The following C1QC variants were observed in gnomAD, a reference collection of about 807,000 sequenced individuals.
The protein encoded by C1QC is complement C1q subcomponent subunit C.
In C1QC, 4 loss-of-function variants were observed where a neutral mutation model predicts 5.9. The ratio of observed to expected loss-of-function variants is 0.68; its 90% CI spans 0.33 to 1.55. The LOEUF is 1.55. C1QC is among the 40% of genes most tolerant of loss of function. C1QC has a pLI of 0.06. For missense variants in C1QC, 299 were observed against 326.9 expected, an observed-to-expected ratio of 0.91 and a Z score of 0.66; for synonymous variants, 166 against 153.8, an observed-to-expected ratio of 1.08 and a Z score of -0.59.
At chr1:22,647,150 T>C in intron 2 of C1QC, 77 bp from the exon 3 acceptor site, 1 of 1,528,980 alleles carries the variant, frequency 6.5e-7, no homozygotes, top group East Asian at 2.3e-5. Flanking sequence ...AGCGCTGTGT[T>C]CCCTGGAAGA....
chr1:22,643,640 G>T lies in C1QC; in HGVS notation c.-88G>T. On this transcript the variant is annotated 5_prime_UTR_variant, in exon 1 of 3. Transcript: ENST00000374640. ...TCCTTGCTCTGACCACTCAGACACC[G>T]TGTCCTCTTGCCTGGGAGAGGGGAA... 6 of 1,045,388 alleles carry T rather than the reference G, an allele frequency of 5.7e-6. No homozygotes were observed. Among genetic ancestry groups the T allele is most frequent in the Non-Finnish European group, 6.9e-6 (6 of 869,190 alleles). The allele number at this position is 1,045,388 out of a possible 1,614,324, so 64.8% of individuals were successfully genotyped here. A position where few individuals can be genotyped will look rare whatever the true frequency, so the allele number is the denominator to read the frequency against.
chr1:22,646,607 G>A (rs1642372880), intron 2 of C1QC, among the ~76,000 whole-genome samples: 1 of 152,090 alleles, frequency 6.6e-6, no homozygotes, highest in Non-Finnish European at 1.5e-5. Context: ...AAGAGTCCCT[G>A]TTCTTTTGTT....
Position 22,647,998 on chromosome 1 carries a change from G to T in C1QC, c.*215G>T. ...CTTCTTTAGGAGTCACTGCTTGTGTGGTTCCTGGGACACTTAACCAATGCC... is the reference window on the plus strand; with the variant it reads ...CTTCTTTAGGAGTCACTGCTTGTGTTGTTCCTGGGACACTTAACCAATGCC... On this transcript the variant is annotated 3_prime_UTR_variant, in exon 3 of 3. Coordinates refer to ENST00000374640, the MANE Select transcript of C1QC (RefSeq NM_172369.5). The T allele has an allele frequency of 1.7e-6, 1 of 602,496 alleles. No homozygotes were observed. Among genetic ancestry groups the T allele is most frequent in the Non-Finnish European group, 2.8e-6 (1 of 352,090 alleles). The allele number at this position is 602,496 out of a possible 1,614,324, so 37.3% of individuals were successfully genotyped here.
In C1QC at chr1:22,647,567, T is replaced by G. The variant is rs1312761361; in HGVS notation, c.522T>G (p.His174Gln). ...ACTACTTTGTCTACCACGCGTCGCA[T>G]ACAGCCAACCTGTGCGTGCTGCTGT... Reference protein sequence around the residue: ...GLYYFVYHASHTANLCVLLYR... With the variant: ...GLYYFVYHASQTANLCVLLYR... The change falls in exon 3 of 3, where the codon CAT becomes CAG. Residue 174 changes from histidine to glutamine, a missense_variant. By Grantham distance (24) the His-to-Gln change is conservative (BLOSUM62 0). This residue lies in a region of C1QC where 144 missense variants were observed against 155.1 expected (regional missense o/e 0.93). Transcript: ENST00000374640. 1 of 1,614,140 alleles carries G rather than the reference T, an allele frequency of 6.2e-7. No individual in the cohort carries two copies. Among genetic ancestry groups the G allele is most frequent in the Non-Finnish European group, 8.5e-7 (1 of 1,180,048 alleles).
At chr1:22,643,769 C>T (rs1482530338) in intron 1 of C1QC, 55 bp downstream of exon 1, 17 of 1,325,686 alleles carry the variant, frequency 1.3e-5, no homozygotes, top group African/African-American at 1.5e-5. Context: ...CTCCACCTTC[C>T]GCCACCTTCC....
At chr1:22,645,213 C>T (rs1256354459) in intron 2 of C1QC, among the ~76,000 whole-genome samples, 2 of 152,014 alleles carry the variant, frequency 1.3e-5, no homozygotes, top group African/African-American at 4.8e-5. Context: ...TTAGGGTGAG[C>T]TTAGGGTGAG....
rs773843522 is a variant in C1QC at position 22,647,735 on chromosome 1, C to T, written c.690C>T (p.Ile230=). 119 of 1,600,966 alleles carry T rather than the reference C, an allele frequency of 7.4e-5. No homozygotes were observed. Among genetic ancestry groups the T allele is most frequent in the Non-Finnish European group, 9.4e-5 (111 of 1,179,962 alleles). ...AVNDYYDMVG[I]QGSDSVFSGF... is the part of the protein sequence containing the mutation. ...ATGACTACTACGACATGGTGGGCAT[C>T]CAGGGCTCTGACAGCGTCTTCTCCG... The change falls in exon 3 of 3, where the codon ATC becomes ATT. Residue 230 remains isoleucine (I), a synonymous_variant. Coordinates refer to ENST00000374640, the MANE Select transcript of C1QC (RefSeq NM_172369.5).
At chr1:22,646,596 G>A (rs1212476914) in intron 2 of C1QC, among the ~76,000 whole-genome samples, 1 of 152,186 alleles carries the variant, frequency 6.6e-6, no homozygotes, top group Non-Finnish European at 1.5e-5. Flanking sequence ...AAAACTGGGT[G>A]AAGAGTCCCT....
chr1:22,647,278 C>T lies in C1QC; in HGVS notation c.233C>T (p.Pro78Leu). 1 of 1,612,366 alleles carries T rather than the reference C, an allele frequency of 6.2e-7. No individual in the cohort carries two copies. Reference protein sequence around the residue: ...IRGPKGQKGEPGLPGHPGKNG... With the variant: ...IRGPKGQKGELGLPGHPGKNG... ...GGACCCAAAGGGCAGAAGGGAGAAC[C>T]CGGCTTACCCGGCCATCCTGGGAAA... is the stretch of plus-strand genomic sequence containing the variant. Residue 78 changes from proline to leucine, a missense_variant, in exon 3 of 3, where the codon CCC becomes CTC. This residue lies in a region of C1QC where 146 missense variants were observed against 144.1 expected (regional missense o/e 1.01). Transcript: ENST00000374640.
chr1:22,644,151 G>T lies in C1QC; in HGVS notation c.128G>T (p.Gly43Val). ...ATCCCAGGGATGCCCGGCCTGCCCG[G>T]GGCACCAGGGAAGGATGGGTACGAC... ...YGIPGMPGLP[G>V]APGKDGYDGL... The change falls in exon 2 of 3, where the codon GGG (glycine) becomes GTG (valine). Residue 43 changes from glycine (G) to valine (V), a missense_variant. Gly to Val is a moderately radical substitution (Grantham distance 109). Around this residue, in one of 3 missense-constraint regions of C1QC, gnomAD observed 146 missense variants for 144.1 expected, o/e 1.01. Transcript: ENST00000374640. The T allele has an allele frequency of 6.3e-7, 1 of 1,586,942 alleles. No individual in the cohort carries two copies.
chr1:22,647,732 C>T lies in C1QC; in HGVS notation c.687C>T (p.Gly229=), dbSNP rs960956592. The part of the protein sequence containing the change: ...LAVNDYYDMV[G]IQGSDSVFSG... ...TCAATGACTACTACGACATGGTGGG[C>T]ATCCAGGGCTCTGACAGCGTCTTCT... is the stretch of plus-strand genomic sequence containing the variant. Residue 229 remains glycine (G), a synonymous_variant, in exon 3 of 3, where the codon GGC becomes GGT. Transcript: ENST00000374640. The T allele has an allele frequency of 1.9e-6, 3 of 1,601,166 alleles. No homozygotes were observed. The highest frequency in any genetic ancestry group is 2.7e-5 in the African/African-American group (2 of 74,920).
intron 2 of C1QC, among the ~76,000 whole-genome samples, chr1:22,646,449 T>G (rs887091018): frequency 1.3e-5 from 2 of 152,208 alleles, no homozygotes; most frequent in African/African-American, 4.8e-5. Context: ...AATTTACACA[T>G]GTAGCAAAAT....
In C1QC at chr1:22,647,625, G is replaced by A. The variant is rs2148297525; in HGVS notation, c.580G>A (p.Gly194Ser). 1 of 1,614,114 alleles carries A rather than the reference G, an allele frequency of 6.2e-7. No homozygotes were observed. The highest frequency in any genetic ancestry group is 8.5e-7 in the Non-Finnish European group (1 of 1,180,036). The change falls in exon 3 of 3, where the codon GGC becomes AGC. Residue 194 changes from glycine (G) to serine (S), a missense_variant. Gly to Ser is a moderately conservative substitution (Grantham distance 56). This residue lies in a region of C1QC where 144 missense variants were observed against 155.1 expected (regional missense o/e 0.93). Coordinates refer to ENST00000374640, the MANE Select transcript of C1QC (RefSeq NM_172369.5). ...CGGCGTCAAAGTGGTCACCTTCTGT[G>A]GCCACACGTCCAAAACCAATCAGGT... is the stretch of plus-strand genomic sequence containing the variant. Reference protein sequence around the residue: ...RSGVKVVTFCGHTSKTNQVNS... With the variant: ...RSGVKVVTFCSHTSKTNQVNS...
At position 22,647,934 on chromosome 1, in the gene C1QC, A is replaced by T; in HGVS notation, c.*151A>T. The T allele has an allele frequency of 1.2e-6, 1 of 818,320 alleles. No homozygotes were observed. Among genetic ancestry groups the T allele is most frequent in the South Asian group, 1.7e-5 (1 of 57,264 alleles). 50.7% of individuals were successfully genotyped at this position (818,320 alleles called of 1,614,324 possible). ...AGGGAGCCCACCCTGACCCACCCCC[A>T]CTGCACCCCCTCCCCATGGGTTCTC... is the stretch of plus-strand genomic sequence containing the variant. On this transcript the variant is annotated 3_prime_UTR_variant, in exon 3 of 3. Coordinates refer to ENST00000374640, the MANE Select transcript of C1QC (RefSeq NM_172369.5).
rs1180706158 is a variant in C1QC at position 22,647,363 on chromosome 1, A to T, written c.318A>T (p.Gly106=). The T allele has an allele frequency of 6.2e-7, 1 of 1,614,086 alleles. No individual in the cohort carries two copies. ...TGCCCGGCCCCATGGGCATCCCTGGAGAGCCAGGTGAGGAGGGCAGATACA... is the reference window on the plus strand; with the variant it reads ...TGCCCGGCCCCATGGGCATCCCTGGTGAGCCAGGTGAGGAGGGCAGATACA... ...PGVPGPMGIP[G]EPGEEGRYKQ... The change falls in exon 3 of 3, where the codon GGA becomes GGT. Residue 106 remains glycine (G), a synonymous_variant. Coordinates refer to ENST00000374640, the MANE Select transcript of C1QC (RefSeq NM_172369.5).
chr1:22,646,487 A>G (rs149524908), intron 2 of C1QC, among the ~76,000 whole-genome samples: 32 of 152,386 alleles, frequency 2.1e-4, no homozygotes, highest in Middle Eastern at 3.4e-3. Flanking sequence ...CACAGTGTAT[A>G]TAAAACTGGT....
intron 2 of C1QC, among the ~76,000 whole-genome samples, chr1:22,644,705 G>C (rs1343042184): frequency 6.6e-6 from 1 of 152,216 alleles, no homozygotes; most frequent in Non-Finnish European, 1.5e-5. Flanking sequence ...GGTAGCACCT[G>C]CTTCACAAGG....
At chr1:22,643,806 G>C in intron 1 of C1QC, 92 bp downstream of exon 1, 1 of 1,348,804 alleles carries the variant, frequency 7.4e-7, no homozygotes, top group Non-Finnish European at 9.5e-7. Flanking sequence ...GGGCAGCTTG[G>C]TGTGTGAGGG....
rs1642370306 is a variant in C1QC, at chr1:22,646,413, A to T, written c.182-814A>T. Among the ~76,000 whole-genome samples, 4 of 152,342 alleles carry T rather than the reference A, an allele frequency of 2.6e-5. No individual in the cohort carries two copies. In the South Asian group the frequency reaches 8.3e-4, roughly 32 times the overall value. ...TAATACAAACTGAAAGATGCGCTTG[A>T]TTGCAGAGGTGAGAGTGGTTACAAA... On this transcript the variant is annotated intron_variant, in intron 2 of 2. Transcript: ENST00000374640.
Sources: gnomAD v4.1 joint callset for allele counts (sites outside exome capture counted in the v4.1 genomes callset) on GRCh38, gnomAD v4.1.1 for gene constraint, gnomAD v4.1.1 regional missense constraint, MANE v1.5 for transcripts, NCBI Gene and HGNC (gene_info 2026-07-23, HGNC 2026-07-21) for gene names.